FAM186A: variants seen among roughly 807,000 people sequenced by gnomAD.
The protein encoded by FAM186A is family with sequence similarity 186 member A.
A neutral mutation model predicts 216.8 loss-of-function variants in FAM186A; 163 were observed. That is an observed-to-expected ratio of 0.75 (90% CI 0.66 to 0.86). FAM186A has a LOEUF of 0.86. Among genes scored for constraint, FAM186A ranks in the 40% least tolerant of loss-of-function variants. The pLI, the probability that FAM186A is intolerant of heterozygous loss-of-function variation, is 0.00. For synonymous variants in FAM186A, 805 were observed against 1,025.3 expected (o/e 0.79, Z 4.10); for missense variants, 2,184 against 2,746.2 (o/e 0.80, Z 4.58).
intron 3 of FAM186A, among the ~76,000 whole-genome samples, chr12:50,356,562 T>G (rs1942979491): frequency 6.6e-6 from 1 of 152,150 alleles, no homozygotes; most frequent in Admixed American, 6.6e-5. Flanking sequence ...CACCTCAGCC[T>G]CCCTGCCTGA....
rs192789931 is a variant in FAM186A at position 50,331,837 on chromosome 12, G to C, written c.6697-16C>G. ...TCTTTTTGAGCTATAAAAAAAAATA[G>C]ATCAGAAAAAGGAAACCATGAAAAG... On this transcript the variant is annotated splice_polypyrimidine_tract_variant and intron_variant, in intron 5 of 7. Coordinates refer to ENST00000327337, the MANE Select transcript of FAM186A (RefSeq NM_001145475.3). 3.0e-5 allele frequency: 45 copies of C among 1,509,874 alleles called. No homozygotes were observed. The African/African-American group carries it at 5.1e-4, about 17-fold the overall frequency. The allele number at this position is 1,509,874 out of a possible 1,614,324, so 93.5% of individuals were successfully genotyped here. A position where few individuals can be genotyped will look rare whatever the true frequency, so the allele number is the denominator to read the frequency against.
chr12:50,366,640 A>G (rs1943090546), intron 1 of FAM186A, among the ~76,000 whole-genome samples: 1 of 135,228 alleles, frequency 7.4e-6, no homozygotes, highest in African/African-American at 2.6e-5. Flanking sequence ...AAAAAAAAAA[A>G]AAAAAAAACG....
intron 1 of FAM186A, among the ~76,000 whole-genome samples, chr12:50,383,008 G>A (rs912937203): frequency 6.6e-6 from 1 of 151,748 alleles, no homozygotes; most frequent in East Asian, 1.9e-4. Context: ...CAAGGCTGGT[G>A]GAATTCAAGA....
chr12:50,345,070 G>A (rs1018185846), intron 4 of FAM186A, among the ~76,000 whole-genome samples: 1 of 152,116 alleles, frequency 6.6e-6, no homozygotes. Context: ...TGACCAATAT[G>A]ATGAAATTCT....
At chr12:50,378,149 G>A (rs1349543317) in intron 1 of FAM186A, among the ~76,000 whole-genome samples, 4 of 150,794 alleles carry the variant, frequency 2.7e-5, no homozygotes, top group African/African-American at 9.8e-5. Context: ...TGCTTGAACC[G>A]GGAGGCGGAG....
intron 1 of FAM186A, among the ~76,000 whole-genome samples, chr12:50,380,727 T>C (rs1408547342): frequency 6.6e-6 from 1 of 151,564 alleles, no homozygotes; most frequent in Non-Finnish European, 1.5e-5. Flanking sequence ...GATGGGATAT[T>C]TGGGGTGTCG....
chr12:50,379,834 C>T (rs996057776), intron 1 of FAM186A, among the ~76,000 whole-genome samples: 1 of 152,022 alleles, frequency 6.6e-6, no homozygotes, highest in East Asian at 1.9e-4. Context: ...GTATGTTACC[C>T]TTCATGTAAG....
In FAM186A at chr12:50,363,176, A is replaced by G. The variant is rs1423899191; in HGVS notation, c.381T>C (p.Leu127=). 1.3e-6 allele frequency: 2 copies of G among 1,550,786 alleles called. No homozygotes were observed. Among genetic ancestry groups the G allele is most frequent in the Non-Finnish European group, 1.7e-6 (2 of 1,146,756 alleles). The part of the protein sequence containing the change: ...AKTIEIREKT[L]ANILAWLEEW... ...CTTCCAACCAGGCCAGAATGTTGGCAAGAGTCTTTTCTCTTATTTCAATAG... is the reference window on the plus strand; with the variant it reads ...CTTCCAACCAGGCCAGAATGTTGGCGAGAGTCTTTTCTCTTATTTCAATAG... The change falls in exon 2 of 8, where the codon CTT becomes CTC. Residue 127 remains leucine, a synonymous_variant. Coordinates refer to ENST00000327337, the MANE Select transcript of FAM186A (RefSeq NM_001145475.3).
chr12:50,372,970 G>C (rs1592625786), intron 1 of FAM186A, among the ~76,000 whole-genome samples: 1 of 136,714 alleles, frequency 7.3e-6, no homozygotes, highest in East Asian at 2.1e-4. Flanking sequence ...GAGGGAGGGA[G>C]GGACGGAGGG....
intron 4 of FAM186A, among the ~76,000 whole-genome samples, chr12:50,337,769 G>A (rs1168532969): frequency 2.0e-5 from 3 of 152,118 alleles, no homozygotes; most frequent in East Asian, 3.9e-4. Context: ...GGTGGCAAGC[G>A]CCTGTAGTCC....
At chr12:50,367,177 C>T (rs911385434) in intron 1 of FAM186A, among the ~76,000 whole-genome samples, 3 of 152,082 alleles carry the variant, frequency 2.0e-5, no homozygotes, top group African/African-American at 7.2e-5. Flanking sequence ...TGCCCACATT[C>T]ACCATCTATC....
intron 3 of FAM186A, among the ~76,000 whole-genome samples, chr12:50,359,186 G>A (rs1245334611): frequency 6.6e-6 from 1 of 151,958 alleles, no homozygotes; most frequent in African/African-American, 2.4e-5. Context: ...ATCACCTGAG[G>A]TCAGGAGTTT....
At chr12:50,347,457 G>A (rs181629314) in intron 4 of FAM186A, among the ~76,000 whole-genome samples, 10 of 152,116 alleles carry the variant, frequency 6.6e-5, no homozygotes, top group South Asian at 2.1e-4. Context: ...ATAGCTGGGC[G>A]CGGTGGCTCA....
rs777625192 is a variant in FAM186A, at chr12:50,353,361, G to C, written c.3471C>G (p.Ile1157Met). Residue 1157 changes from isoleucine (I) to methionine (M), a missense_variant, in exon 4 of 8, where the codon ATC becomes ATG. Physicochemically the swap from Ile to Met is conservative, Grantham distance 10. This residue lies in a region of FAM186A where 267 missense variants were observed against 446.2 expected (regional missense o/e 0.60). Coordinates refer to ENST00000327337, the MANE Select transcript of FAM186A (RefSeq NM_001145475.3). ...TCTGAGCCTGCTGAGTGGTGAGAGAGATCCCCGGGGCCTGGTCCTGCTGAG... is the reference window on the plus strand; with the variant it reads ...TCTGAGCCTGCTGAGTGGTGAGAGACATCCCCGGGGCCTGGTCCTGCTGAG... ...LTPQQDQAPGISLTTQQAQKL... is the reference protein window; with the variant it reads ...LTPQQDQAPGMSLTTQQAQKL... 3 of 1,537,722 alleles carry C rather than the reference G, an allele frequency of 2.0e-6. No individual in the cohort carries two copies. The South Asian group carries it at 3.6e-5, about 19-fold the overall frequency.
intron 1 of FAM186A, among the ~76,000 whole-genome samples, chr12:50,390,112 T>C (rs927502403): frequency 2.6e-4 from 40 of 152,184 alleles, no homozygotes; most frequent in African/African-American, 7.5e-4. Context: ...GGGGACACAC[T>C]AGTTTCACTG....
chr12:50,357,758 C>T (rs1942993271), intron 3 of FAM186A, among the ~76,000 whole-genome samples: 1 of 152,150 alleles, frequency 6.6e-6, no homozygotes, highest in Non-Finnish European at 1.5e-5. Context: ...CCGCCAGATC[C>T]ATGGCCTGGA....
At chr12:50,341,929 TAAAAG>T (rs1464173910) in intron 4 of FAM186A, among the ~76,000 whole-genome samples, 1 of 152,120 alleles carries the variant, frequency 6.6e-6, no homozygotes, top group Non-Finnish European at 1.5e-5. Context: ...TGCCAAACCT[TAAAAG>T]AACAGCTAAT....
chr12:50,332,658 T>A (rs1247675053), intron 5 of FAM186A, among the ~76,000 whole-genome samples: 1 of 152,188 alleles, frequency 6.6e-6, no homozygotes, highest in Non-Finnish European at 1.5e-5. Context: ...CTTTACTCTA[T>A]GTACATTGGC....
chr12:50,355,118 C>T lies in FAM186A; in HGVS notation c.1714G>A (p.Glu572Lys), dbSNP rs1942959462. 1 of 1,551,518 alleles carries T rather than the reference C, an allele frequency of 6.4e-7. No homozygotes were observed. The highest frequency in any genetic ancestry group is 8.7e-7 in the Non-Finnish European group (1 of 1,146,982). ...AAEIKVEPTT[E>K]SLDKEGKGEI... ...CCTTTGCCCTCTTTGTCCAATGACT[C>T]AGTGGTGGGTTCCACTTTAATCTCT... The change falls in exon 4 of 8, where the codon GAG becomes AAG. Residue 572 changes from glutamate (E) to lysine (K), a missense_variant. Around this residue, in one of 7 missense-constraint regions of FAM186A, gnomAD observed 1,132 missense variants for 1,263.4 expected, o/e 0.90. Coordinates refer to ENST00000327337, the MANE Select transcript of FAM186A (RefSeq NM_001145475.3).
Sources: allele counts gnomAD v4.1 joint callset (sites outside exome capture counted in the v4.1 genomes callset), GRCh38; gene constraint gnomAD v4.1.1; regional missense constraint gnomAD v4.1.1; transcripts MANE v1.5; gene names NCBI Gene and HGNC (gene_info 2026-07-23, HGNC 2026-07-21).